MALT1: variants seen among roughly 807,000 people sequenced by gnomAD.
MALT1 encodes the protein MALT1 paracaspase.
MALT1 carries 36 observed loss-of-function variants against 85.5 expected under a neutral mutation model. That is an observed-to-expected ratio of 0.42 (90% CI 0.32 to 0.56). The LOEUF (loss-of-function observed/expected upper bound fraction) is 0.56. MALT1 is among the 20% of genes least tolerant of loss of function. MALT1 has a pLI of 0.10. For missense variants in MALT1, 716 were observed against 981.6 expected (o/e 0.73, Z 3.62); for synonymous variants, 359 against 361.3 (o/e 0.99, Z 0.07).
At chr18:58,679,437 G>GT (rs2054288148) in intron 1 of MALT1, among the ~76,000 whole-genome samples, 1 of 152,276 alleles carries the variant, frequency 6.6e-6, no homozygotes, top group Non-Finnish European at 1.5e-5. Flanking sequence ...GAATGAATGA[G>GT]TGTAGCTGTG....
At chr18:58,747,287 C>T in intron 16 of MALT1, 118 bp from the exon 17 acceptor site, 2 of 663,116 alleles carry the variant, frequency 3.0e-6, no homozygotes, top group Non-Finnish European at 5.3e-6. Context: ...GGATTTGGAA[C>T]CTGGGAAAGG....
chr18:58,696,535 T>C (rs778128925), intron 3 of MALT1, 48 bp downstream of exon 3: 2 of 1,412,902 alleles, frequency 1.4e-6, no homozygotes, highest in South Asian at 2.8e-5. Context: ...GAGAGAATGA[T>C]AGAGAATTAA....
At chr18:58,684,057 T>C (rs7241281) in intron 2 of MALT1, among the ~76,000 whole-genome samples, 92,429 of 152,008 alleles carry the variant, frequency 0.61, 30,487 homozygotes, top group African/African-American at 0.89. Context: ...CTCAGCCTCC[T>C]GAGTAGCTGG....
intron 13 of MALT1, among the ~76,000 whole-genome samples, chr18:58,737,578 T>C (rs1311686571): frequency 6.6e-6 from 1 of 151,670 alleles, no homozygotes; most frequent in Non-Finnish European, 1.5e-5. Context: ...AATTTCTTTT[T>C]TTAATTTTTT....
At chr18:58,709,265 A>T (rs1342665684) in intron 4 of MALT1, 113 bp from the exon 5 acceptor site, 1 of 656,166 alleles carries the variant, frequency 1.5e-6, no homozygotes, top group Non-Finnish European at 2.4e-6. Flanking sequence ...AGTTTGGGAA[A>T]TGTTATTAAA....
intron 12 of MALT1, 73 bp downstream of exon 12, chr18:58,734,454 C>G: frequency 8.3e-7 from 1 of 1,199,896 alleles, no homozygotes. Flanking sequence ...TTTTTAGGAG[C>G]AGGGGTCTTA....
chr18:58,690,543 T>C lies in MALT1; in HGVS notation c.377-5823T>C, dbSNP rs547390661. 4 of 166,136 alleles carry C rather than the reference T, an allele frequency of 2.4e-5. No individual in the cohort carries two copies. In the South Asian group the frequency reaches 6.7e-4, roughly 28 times the overall value. 10.3% of individuals were successfully genotyped at this position (166,136 alleles called of 1,614,324 possible). On this transcript the variant is annotated intron_variant, in intron 2 of 16. Transcript: ENST00000649217. ...GAGCCCATCCCCTCTGTGAGAGAGA[T>C]GTACTTCACGCCCGGGCTGCCACCG...
At position 58,741,912 on chromosome 18, in the gene MALT1, C is replaced by T; in HGVS notation, c.1651C>T (p.Arg551Ter). 6.4e-7 allele frequency: 1 copy of T among 1,563,496 alleles called. No individual in the cohort carries two copies. The highest frequency in any genetic ancestry group is 8.8e-7 in the Non-Finnish European group (1 of 1,142,594). ...LTKGKQALEI[R>*]SSLSEKRALT... ...CAAAGGCAAACAGGCTCTAGAGATTCGAAGTAGTTTATCTGAGAAGAGAGC... is the reference window on the plus strand; with the variant it reads ...CAAAGGCAAACAGGCTCTAGAGATTTGAAGTAGTTTATCTGAGAAGAGAGC... The change falls in exon 14 of 17, where the codon CGA becomes TGA. Residue 551 changes from arginine (R) to a stop codon, truncating the protein, a stop_gained. Coordinates refer to ENST00000649217, the MANE Select transcript of MALT1 (RefSeq NM_006785.4). LOFTEE classifies it high-confidence loss of function.
intron 2 of MALT1, chr18:58,691,291 A>G: frequency 1.6e-6 from 1 of 611,894 alleles, no homozygotes; most frequent in Admixed American, 2.2e-5. Flanking sequence ...GAGAAAGCCG[A>G]TTTGCAACCA....
intron 13 of MALT1, among the ~76,000 whole-genome samples, chr18:58,739,499 GT>G (rs1240753119): frequency 2.0e-5 from 3 of 152,152 alleles, no homozygotes; most frequent in African/African-American, 7.2e-5. Flanking sequence ...TATTCAAGAT[GT>G]TTCTAGGTGA....
chr18:58,700,051 C>T (rs934949021), intron 3 of MALT1, among the ~76,000 whole-genome samples: 3 of 152,166 alleles, frequency 2.0e-5, no homozygotes, highest in Non-Finnish European at 4.4e-5. Context: ...ATAGCCAAGC[C>T]CAATTCTCTG....
At chr18:58,695,014 T>C (rs540113787) in intron 2 of MALT1, among the ~76,000 whole-genome samples, 1 of 152,308 alleles carries the variant, frequency 6.6e-6, no homozygotes, top group South Asian at 2.1e-4. Context: ...GGGGCAGGTC[T>C]TTCTCTGCTG....
At position 58,739,326 on chromosome 18, in the gene MALT1, A is replaced by G. The variant is rs140454390; in HGVS notation, c.1604-2539A>G. 1.3e-3 allele frequency among the ~76,000 whole-genome samples: 192 copies of G among 152,258 alleles called. 2 individuals are homozygous for G. Among genetic ancestry groups the G allele is most frequent in the African/African-American group, 4.2e-3 (174 of 41,548 alleles). On this transcript the variant is annotated intron_variant, in intron 13 of 16. Coordinates refer to ENST00000649217, the MANE Select transcript of MALT1 (RefSeq NM_006785.4). Reference sequence around the variant, plus strand: ...AATTTTATGAGAAAATAAAATTAGTATTTAGTGGTATCAGTGTTATCAGTA... The same window carrying G: ...AATTTTATGAGAAAATAAAATTAGTGTTTAGTGGTATCAGTGTTATCAGTA...
intron 4 of MALT1, among the ~76,000 whole-genome samples, chr18:58,708,621 G>A (rs1262036026): frequency 2.6e-5 from 4 of 152,286 alleles, no homozygotes; most frequent in East Asian, 1.9e-4. Flanking sequence ...TCAAAGCCCC[G>A]GTAAGGTGTC....
chr18:58,706,627 A>T (rs2054755944), intron 4 of MALT1, among the ~76,000 whole-genome samples: 1 of 152,178 alleles, frequency 6.6e-6, no homozygotes, highest in Non-Finnish European at 1.5e-5. Flanking sequence ...GTTTTTCTGT[A>T]ATAATTTGTA....
rs751074567 is a variant in MALT1 at position 58,700,422 on chromosome 18, CTT to C, written c.499-18_499-17del. On this transcript the variant is annotated splice_polypyrimidine_tract_variant and intron_variant, in intron 3 of 16. Transcript: ENST00000649217. ...TGTTTTTGATGAGTCATCCACTTCT[CTT>C]ATTGATTCTTTCACAGATTCCAAAT... is the stretch of plus-strand genomic sequence containing the variant. The C allele has an allele frequency of 1.9e-6, 3 of 1,576,812 alleles. No individual in the cohort carries two copies. Among genetic ancestry groups the C allele is most frequent in the South Asian group, 1.2e-5 (1 of 84,602 alleles).
At chr18:58,672,803 A>C (rs2054184539) in intron 1 of MALT1, 1 of 152,210 alleles carries the variant, frequency 6.6e-6, no homozygotes, top group African/African-American at 2.4e-5. Context: ...GTGCTTCTGC[A>C]TTCAGTCTGT....
At position 58,681,226 on chromosome 18, in the gene MALT1, G is replaced by C; in HGVS notation, c.266G>C (p.Ser89Thr). Reference sequence around the variant, plus strand: ...GTACTGGAGCCTGAAGGAAGCCCCAGCCTGTGTCTGCTGAAGTTAATGGGT... The same window carrying C: ...GTACTGGAGCCTGAAGGAAGCCCCACCCTGTGTCTGCTGAAGTTAATGGGT... ...LKVLEPEGSP[S>T]LCLLKLMGEK... Residue 89 changes from serine to threonine, a missense_variant, in exon 2 of 17, where the codon AGC becomes ACC. Around this residue, in one of 4 missense-constraint regions of MALT1, gnomAD observed 290 missense variants for 380.5 expected, o/e 0.76. Transcript: ENST00000649217. The C allele has an allele frequency of 6.2e-7, 1 of 1,614,190 alleles. No homozygotes were observed. Among genetic ancestry groups the C allele is most frequent in the Non-Finnish European group, 8.5e-7 (1 of 1,180,020 alleles).
At chr18:58,733,273 A>G (rs2055177985) in intron 10 of MALT1, 124 bp from the exon 11 acceptor site, 4 of 638,160 alleles carry the variant, frequency 6.3e-6, no homozygotes, top group African/African-American at 1.8e-5. Flanking sequence ...TATTTCTTAC[A>G]TATGCTCACA....
Sources: gnomAD v4.1 joint callset for allele counts (sites outside exome capture counted in the v4.1 genomes callset) on GRCh38, gnomAD v4.1.1 for gene constraint, gnomAD v4.1.1 regional missense constraint, MANE v1.5 for transcripts, NCBI Gene and HGNC (gene_info 2026-07-23, HGNC 2026-07-21) for gene names.